Variants in ADCY3 observed in about 807,000 individuals in gnomAD.
ADCY3 encodes the protein adenylate cyclase 3.
ADCY3 carries 70 observed loss-of-function variants against 119.4 expected under a neutral mutation model. That is an observed-to-expected ratio of 0.59 (90% CI 0.48 to 0.72). ADCY3 has a LOEUF of 0.72. Among genes scored for constraint, ADCY3 ranks in the 30% least tolerant of loss-of-function variants. The pLI, the probability that ADCY3 is intolerant of heterozygous loss-of-function variation, is 0.00. For synonymous variants in ADCY3, 672 were observed against 621.4 expected (o/e 1.08, Z -1.21); for missense variants, 1,238 against 1,541.6 (o/e 0.80, Z 3.30).
chr2:24,872,472 C>G lies in ADCY3; in HGVS notation c.825+98G>C. The G allele has an allele frequency of 1.4e-6, 2 of 1,450,080 alleles. No homozygotes were observed. Among genetic ancestry groups the G allele is most frequent in the Admixed American group, 2.1e-5 (1 of 47,526 alleles). 89.8% of individuals were successfully genotyped at this position (1,450,080 alleles called of 1,614,324 possible). On this transcript the variant is annotated intron_variant, in intron 3 of 21. Coordinates refer to ENST00000679454, the MANE Select transcript of ADCY3 (RefSeq NM_004036.5). The surrounding 1 kb of genome is among the most constrained non-coding windows in gnomAD (Gnocchi z 4.4). The stretch of plus-strand genomic sequence containing the variant: ...GAACAGGGTGGATGAACGCCAAGCC[C>G]CACGGAGCCAGGGGCTGCCGCTCTG...
In ADCY3 at chr2:24,919,033, G is replaced by C; in HGVS notation, c.-46C>G. On this transcript the variant is annotated 5_prime_UTR_variant, in exon 2 of 22. Coordinates refer to ENST00000679454, the MANE Select transcript of ADCY3 (RefSeq NM_004036.5). This position sits in a 1 kb window ranked among gnomAD's most constrained non-coding sequence, Gnocchi z 5.5. ...GGCCCTAGAGAAGTGGACTGGGAAC[G>C]GAGGAAGAGCTCTGGACTGGGCCTC... 1 of 1,496,148 alleles carries C rather than the reference G, an allele frequency of 6.7e-7. No homozygotes were observed. Among genetic ancestry groups the C allele is most frequent in the South Asian group, 1.3e-5 (1 of 77,024 alleles). 92.7% of individuals were successfully genotyped at this position (1,496,148 alleles called of 1,614,324 possible). A position where few individuals can be genotyped will look rare whatever the true frequency, so the allele number is the denominator to read the frequency against.
At chr2:24,862,545 C>A (rs1226976342) in intron 3 of ADCY3, among the ~76,000 whole-genome samples, 31 of 139,330 alleles carry the variant, frequency 2.2e-4, no homozygotes, top group African/African-American at 3.1e-4. Flanking sequence ...GACTCCGCCT[C>A]AAAAAAAAAA....
chr2:24,886,880 C>A (rs569994702), intron 2 of ADCY3, among the ~76,000 whole-genome samples: 51 of 152,346 alleles, frequency 3.3e-4, no homozygotes, highest in African/African-American at 1.2e-3. Flanking sequence ...GTCCCTGGGG[C>A]TCTGCTAGGC....
rs1678602252 is a variant in ADCY3 at position 24,898,929 on chromosome 2, A to T, written c.675+19384T>A. Among the ~76,000 whole-genome samples the T allele has an allele frequency of 6.6e-6, 1 of 152,088 alleles. No homozygotes were observed. Among genetic ancestry groups the T allele is most frequent in the South Asian group, 2.1e-4 (1 of 4,832 alleles). ...ACGCCAAGCACGACCACGGCAGGTG[A>T]CCTGCCCTCCCTCCAGCTCCACCAC... On this transcript the variant is annotated intron_variant, in intron 2 of 21. Coordinates refer to ENST00000679454, the MANE Select transcript of ADCY3 (RefSeq NM_004036.5). This position sits in a 1 kb window ranked among gnomAD's most constrained non-coding sequence, Gnocchi z 4.3.
At chr2:24,835,903 T>C (rs1670256401) in intron 9 of ADCY3, among the ~76,000 whole-genome samples, 1 of 145,946 alleles carries the variant, frequency 6.9e-6, no homozygotes, top group Non-Finnish European at 1.5e-5. Context: ...GCCACTGCAC[T>C]CCAGCCTGGG....
chr2:24,820,026 A>C lies in ADCY3; in HGVS notation c.3341T>G (p.Leu1114Arg). The change falls in exon 22 of 22, where the codon CTG (leucine) becomes CGG (arginine). Residue 1114 changes from leucine to arginine, a missense_variant. Around this residue, in one of 7 missense-constraint regions of ADCY3, gnomAD observed 86 missense variants for 70.7 expected, o/e 1.22. Coordinates refer to ENST00000679454, the MANE Select transcript of ADCY3 (RefSeq NM_004036.5). ...GPIFVKGKGE[L>R]LTFFLKGRDK... ...CCGCCCCTTCAAGAAGAAGGTCAGC[A>C]GCTCCCCCTTCCCCTTCACAAAGAT... is the stretch of plus-strand genomic sequence containing the variant. The C allele has an allele frequency of 6.2e-7, 1 of 1,611,570 alleles. No homozygotes were observed. Among genetic ancestry groups the C allele is most frequent in the Non-Finnish European group, 8.5e-7 (1 of 1,178,846 alleles).
At chr2:24,858,290 C>A (rs1032700950) in intron 3 of ADCY3, among the ~76,000 whole-genome samples, 1 of 152,150 alleles carries the variant, frequency 6.6e-6, no homozygotes, top group Non-Finnish European at 1.5e-5. Flanking sequence ...CCTTTGTTGA[C>A]AGATCTTTCC....
chr2:24,837,116 C>CA, intron 8 of ADCY3, 71 bp from the exon 9 acceptor site: 7 of 1,547,478 alleles, frequency 4.5e-6, no homozygotes, highest in Non-Finnish European at 6.1e-6. Context: ...CTGGAAGTGA[C>CA]AAGGGCGTGG....
intron 2 of ADCY3, among the ~76,000 whole-genome samples, chr2:24,900,852 G>T (rs1678822288): frequency 6.6e-6 from 1 of 152,114 alleles, no homozygotes; most frequent in Non-Finnish European, 1.5e-5. Flanking sequence ...ATCACCTGAG[G>T]TCAGGAGTTC....
chr2:24,821,272 G>A (rs1667657332), intron 20 of ADCY3: 1 of 515,182 alleles, frequency 1.9e-6, no homozygotes, highest in Non-Finnish European at 3.3e-6. Flanking sequence ...CAGCCAGGCA[G>A]GCCAAGCTTC....
chr2:24,892,625 T>A (rs1677805201), intron 2 of ADCY3, among the ~76,000 whole-genome samples: 1 of 152,236 alleles, frequency 6.6e-6, no homozygotes, highest in South Asian at 2.1e-4. Context: ...AAAGAATGTA[T>A]GTTCTCTAGT....
chr2:24,824,039 C>G (rs1368498919), intron 17 of ADCY3, among the ~76,000 whole-genome samples: 2 of 152,240 alleles, frequency 1.3e-5, no homozygotes, highest in African/African-American at 4.8e-5. Flanking sequence ...GTTCCTCTAA[C>G]AGCCCCAGCT....
chr2:24,833,230 G>A (rs189359570), intron 11 of ADCY3, among the ~76,000 whole-genome samples: 2 of 152,324 alleles, frequency 1.3e-5, no homozygotes, highest in Non-Finnish European at 2.9e-5. Flanking sequence ...AAGAGTGGAA[G>A]CTGGCACCCT....
rs1671043503 is a variant in ADCY3, at chr2:24,841,773, G to A, written c.957-106C>T. The A allele has an allele frequency of 6.2e-6, 5 of 809,698 alleles. No homozygotes were observed. The highest frequency in any genetic ancestry group is 1.0e-5 in the Non-Finnish European group (5 of 486,272). The allele number at this position is 809,698 out of a possible 1,614,324, so 50.2% of individuals were successfully genotyped here. On this transcript the variant is annotated intron_variant, in intron 4 of 21. Coordinates refer to ENST00000679454, the MANE Select transcript of ADCY3 (RefSeq NM_004036.5). The surrounding 1 kb of genome is among the most constrained non-coding windows in gnomAD (Gnocchi z 5.8). ...CACAGGGCAGCCAGGATCAGGGCAGGAGAAGGTCCTCCCTCACGACCCCCA... is the reference window on the plus strand; with the variant it reads ...CACAGGGCAGCCAGGATCAGGGCAGAAGAAGGTCCTCCCTCACGACCCCCA...
chr2:24,851,810 C>T (rs540203108), intron 3 of ADCY3, among the ~76,000 whole-genome samples: 1 of 152,280 alleles, frequency 6.6e-6, no homozygotes, highest in African/African-American at 2.4e-5. Flanking sequence ...TACTGAATAA[C>T]TGAAACTCAC....
In ADCY3 at chr2:24,840,140, AG is replaced by A. The variant is rs34017360; in HGVS notation, c.1197-110del. The stretch of plus-strand genomic sequence containing the variant: ...TTGTGGGCCTCTTCCCCTCCACAAG[AG>A]GGGGCCTGGCAAGGTCCCCACAGCT... On this transcript the variant is annotated intron_variant, in intron 6 of 21. Coordinates refer to ENST00000679454, the MANE Select transcript of ADCY3 (RefSeq NM_004036.5). 73 of 1,443,258 alleles carry A rather than the reference AG, an allele frequency of 5.1e-5. No homozygotes were observed. The African/African-American group carries it at 9.0e-4, about 18-fold the overall frequency. The allele number at this position is 1,443,258 out of a possible 1,614,324, so 89.4% of individuals were successfully genotyped here. A position where few individuals can be genotyped will look rare whatever the true frequency, so the allele number is the denominator to read the frequency against.
intron 19 of ADCY3, 88 bp from the exon 20 acceptor site, chr2:24,821,728 G>A (rs1293764977): frequency 1.9e-6 from 3 of 1,544,200 alleles, no homozygotes; most frequent in African/African-American, 1.4e-5. Context: ...TTCTGGGGGT[G>A]GATTCCCTAC....
In ADCY3 at chr2:24,917,797, G is replaced by A. The variant is rs937536564; in HGVS notation, c.675+516C>T. On this transcript the variant is annotated intron_variant, in intron 2 of 21. Coordinates refer to ENST00000679454, the MANE Select transcript of ADCY3 (RefSeq NM_004036.5). ...TATGACAACTGCGTCTTCCCTCTGT[G>A]CAGCCCTTCACGTATCCTAATGCGC... 2.0e-5 allele frequency among the ~76,000 whole-genome samples: 3 copies of A among 152,278 alleles called. No individual in the cohort carries two copies. In the East Asian group the frequency reaches 5.8e-4, roughly 29 times the overall value.
intron 21 of ADCY3, chr2:24,820,394 C>A: frequency 7.6e-7 from 1 of 1,311,404 alleles, no homozygotes; most frequent in Non-Finnish European, 9.7e-7. Flanking sequence ...CTGGAAACTG[C>A]CACTGCCTGC....
Sources: gnomAD v4.1 joint callset for allele counts (sites outside exome capture counted in the v4.1 genomes callset) on GRCh38, gnomAD v4.1.1 for gene constraint, gnomAD v4.1.1 regional missense constraint, Gnocchi (gnomAD v3.1) non-coding constraint, MANE v1.5 for transcripts, NCBI Gene and HGNC (gene_info 2026-07-23, HGNC 2026-07-21) for gene names.